Variants in KDM6B observed in about 807,000 individuals in gnomAD.
KDM6B encodes the protein lysine-specific demethylase 6B.
A neutral mutation model predicts 150.4 loss-of-function variants in KDM6B; 22 were observed. That is an observed-to-expected ratio of 0.15 (90% CI 0.10 to 0.21). The LOEUF is 0.21. KDM6B is among the 10% of genes least tolerant of loss of function. The pLI is 1.00. For synonymous variants in KDM6B, 1,148 were observed against 921.1 expected, an observed-to-expected ratio of 1.25 and a Z score of -4.46; for missense variants, 1,984 against 2,234.3, an observed-to-expected ratio of 0.89 and a Z score of 2.26.
At position 7,847,220 on chromosome 17, in the gene KDM6B, C is replaced by T. The variant is rs1567792223; in HGVS notation, c.1025C>T (p.Pro342Leu). 6.2e-7 allele frequency: 1 copy of T among 1,600,136 alleles called. No individual in the cohort carries two copies. Among genetic ancestry groups the T allele is most frequent in the Admixed American group, 1.7e-5 (1 of 59,990 alleles). ...AAPPGPGPRP[P>L]GAESHGCLPA... Reference sequence around the variant, plus strand: ...CCCCCAGGCCCAGGCCCCCGCCCCCCAGGAGCAGAGAGCCATGGCTGCCTG... The same window carrying T: ...CCCCCAGGCCCAGGCCCCCGCCCCCTAGGAGCAGAGAGCCATGGCTGCCTG... Residue 342 changes from proline (P) to leucine (L), a missense_variant, in exon 11 of 24, where the codon CCA becomes CTA. Physicochemically the swap from Pro to Leu is moderately conservative, Grantham distance 98 (BLOSUM62 -3). Around this residue, in one of 13 missense-constraint regions of KDM6B, gnomAD observed 1,379 missense variants for 1,275.6 expected, o/e 1.08. Transcript: ENST00000448097.
rs772125486 is a variant in KDM6B at position 7,846,205 on chromosome 17, G to C, written c.364G>C (p.Asp122His). The change falls in exon 7 of 24, where the codon GAT becomes CAT. Residue 122 changes from aspartate (D) to histidine (H), a missense_variant. Coordinates refer to ENST00000448097, the MANE Select transcript of KDM6B (RefSeq NM_001348716.2). Reference sequence around the variant, plus strand: ...TGGGCAACTGTACGAGTCAGAGCACGATAGTGAGGAGGCCACACGCTGCTA... The same window carrying C: ...TGGGCAACTGTACGAGTCAGAGCACCATAGTGAGGAGGCCACACGCTGCTA... ...QLGQLYESEH[D>H]SEEATRCYHS... 3 of 1,614,142 alleles carry C rather than the reference G, an allele frequency of 1.9e-6. No homozygotes were observed. The highest frequency in any genetic ancestry group is 1.7e-5 in the Admixed American group (1 of 60,030).
chr17:7,851,937 G>C lies in KDM6B; in HGVS notation c.4166-14G>C. The C allele has an allele frequency of 6.2e-7, 1 of 1,612,828 alleles. No homozygotes were observed. ...GACCTGGCCAGCCATGCCGTTCTCT[G>C]TCGACCCCTGCAGGCCACCAGGAGA... On this transcript the variant is annotated splice_polypyrimidine_tract_variant and intron_variant, in intron 18 of 23. Coordinates refer to ENST00000448097, the MANE Select transcript of KDM6B (RefSeq NM_001348716.2).
rs1348397553 is a variant in KDM6B, at chr17:7,848,984, C to T, written c.2696C>T (p.Pro899Leu). ...VPGPMTPTQP[P>L]PPLSLPPARS... is the part of the protein sequence containing the mutation. The stretch of plus-strand genomic sequence containing the variant: ...GGCCCCATGACCCCCACCCAACCGC[C>T]CCCACCCCTATCTCTGCCCCCTGCT... The change falls in exon 12 of 24, where the codon CCC becomes CTC. Residue 899 changes from proline (P) to leucine (L), a missense_variant. Coordinates refer to ENST00000448097, the MANE Select transcript of KDM6B (RefSeq NM_001348716.2). 2.5e-6 allele frequency: 4 copies of T among 1,579,008 alleles called. No individual in the cohort carries two copies. The highest frequency in any genetic ancestry group is 3.4e-6 in the Non-Finnish European group (4 of 1,161,218).
At chr17:7,842,463 T>C (rs2078437190) in intron 2 of KDM6B, among the ~76,000 whole-genome samples, 1 of 152,216 alleles carries the variant, frequency 6.6e-6, no homozygotes, top group African/African-American at 2.4e-5. Context: ...CTCTCGCCTG[T>C]CTTCGAGGAG....
intron 21 of KDM6B, 40 bp from the exon 22 acceptor site, chr17:7,852,960 T>A (rs1359999023): frequency 4.3e-6 from 7 of 1,612,956 alleles, no homozygotes; most frequent in Non-Finnish European, 5.9e-6. Context: ...TCAGGCCTCC[T>A]CCTTGCCGGT....
chr17:7,837,486 TTC>T (rs1256596779), intron 1 of KDM6B, among the ~76,000 whole-genome samples: 1 of 152,230 alleles, frequency 6.6e-6, no homozygotes, highest in Non-Finnish European at 1.5e-5. Flanking sequence ...ATGGTTGTTC[TTC>T]TCTATTAAGT....
rs2078576260 is a variant in KDM6B, at chr17:7,847,421, G to C, written c.1226G>C (p.Gly409Ala). The C allele has an allele frequency of 6.2e-7, 1 of 1,613,694 alleles. No individual in the cohort carries two copies. The change falls in exon 11 of 24, where the codon GGT becomes GCT. Residue 409 changes from glycine (G) to alanine (A), a missense_variant. By Grantham distance (60) the Gly-to-Ala change is moderately conservative. Around this residue, in one of 13 missense-constraint regions of KDM6B, gnomAD observed 1,379 missense variants for 1,275.6 expected, o/e 1.08. Coordinates refer to ENST00000448097, the MANE Select transcript of KDM6B (RefSeq NM_001348716.2). ...SSSSSSSSNT[G>A]LRGVEPNPGI... ...AGCAGTAGCAGCAGCAGCAACACTG[G>C]TCTCCGGGGCGTGGAGCCGAACCCA...
rs1597832401 is a variant in KDM6B at position 7,845,409 on chromosome 17, A to C, written c.-53A>C. ...GACCATCGTCCCAGAGAGCTGGGGCAGGGGGCCGTGCCCAATCTCCAGGGC... is the reference window on the plus strand; with the variant it reads ...GACCATCGTCCCAGAGAGCTGGGGCCGGGGGCCGTGCCCAATCTCCAGGGC... On this transcript the variant is annotated 5_prime_UTR_variant, in exon 4 of 24. Transcript: ENST00000448097. The C allele has an allele frequency of 1.0e-6, 1 of 982,960 alleles. No homozygotes were observed. Among genetic ancestry groups the C allele is most frequent in the East Asian group, 2.4e-5 (1 of 41,278 alleles). The allele number at this position is 982,960 out of a possible 1,614,324, so 60.9% of individuals were successfully genotyped here.
chr17:7,851,313 A>AC lies in KDM6B; in HGVS notation c.3880-14dup, dbSNP rs2078688798. ...AAAGGTCTCTGACCCAGGCCTGCCT[A>AC]CCCTCTGGCTGAACAGGAGGAGAAG... is the stretch of plus-strand genomic sequence containing the variant. On this transcript the variant is annotated splice_polypyrimidine_tract_variant and intron_variant, in intron 15 of 23. Transcript: ENST00000448097. 6.2e-7 allele frequency: 1 copy of AC among 1,613,948 alleles called. No homozygotes were observed. Among genetic ancestry groups the AC allele is most frequent in the Admixed American group, 1.7e-5 (1 of 60,026 alleles).
chr17:7,848,961 C>T lies in KDM6B; in HGVS notation c.2673C>T (p.Gly891=). 6.4e-7 allele frequency: 1 copy of T among 1,574,562 alleles called. No individual in the cohort carries two copies. The highest frequency in any genetic ancestry group is 8.6e-7 in the Non-Finnish European group (1 of 1,159,902). Residue 891 remains glycine, a synonymous_variant, in exon 12 of 24, where the codon GGC becomes GGT. Coordinates refer to ENST00000448097, the MANE Select transcript of KDM6B (RefSeq NM_001348716.2). ...ERRAGEEPVP[G]PMTPTQPPPP... Reference sequence around the variant, plus strand: ...GGGCGGGCGAAGAGCCAGTCCCGGGCCCCATGACCCCCACCCAACCGCCCC... The same window carrying T: ...GGGCGGGCGAAGAGCCAGTCCCGGGTCCCATGACCCCCACCCAACCGCCCC...
At position 7,847,857 on chromosome 17, in the gene KDM6B, G is replaced by T. The variant is rs1340178963; in HGVS notation, c.1569G>T (p.Glu523Asp). The T allele has an allele frequency of 2.1e-6, 3 of 1,453,276 alleles. No individual in the cohort carries two copies. The South Asian group carries it at 3.4e-5, about 17-fold the overall frequency. 90.0% of individuals were successfully genotyped at this position (1,453,276 alleles called of 1,614,324 possible). ...CCCCACCACCCCTCCCCCATCGCGAGGGCTTCTTGGGGCCTCCGGCCTCCC... is the reference window on the plus strand; with the variant it reads ...CCCCACCACCCCTCCCCCATCGCGATGGCTTCTTGGGGCCTCCGGCCTCCC... ...RPAPPPLPHREGFLGPPASRF... is the reference protein window; with the variant it reads ...RPAPPPLPHRDGFLGPPASRF... The change falls in exon 12 of 24, where the codon GAG (glutamate) becomes GAT (aspartate). Residue 523 changes from glutamate (E) to aspartate (D), a missense_variant. By Grantham distance (45) the Glu-to-Asp change is conservative. Coordinates refer to ENST00000448097, the MANE Select transcript of KDM6B (RefSeq NM_001348716.2).
At position 7,847,867 on chromosome 17, in the gene KDM6B, G is replaced by A. The variant is rs1297897181; in HGVS notation, c.1579G>A (p.Gly527Arg). Residue 527 changes from glycine to arginine, a missense_variant, in exon 12 of 24, where the codon GGG becomes AGG. By Grantham distance (125) the Gly-to-Arg change is moderately radical. This residue lies in a region of KDM6B where 1,379 missense variants were observed against 1,275.6 expected (regional missense o/e 1.08). Coordinates refer to ENST00000448097, the MANE Select transcript of KDM6B (RefSeq NM_001348716.2). ...PPLPHREGFL[G>R]PPASRFSVGT... ...CCTCCCCCATCGCGAGGGCTTCTTG[G>A]GGCCTCCGGCCTCCCGCTTTTCTGT... 6.3e-7 allele frequency: 1 copy of A among 1,581,176 alleles called. No homozygotes were observed. The highest frequency in any genetic ancestry group is 1.1e-5 in the South Asian group (1 of 89,586).
At chr17:7,842,033 C>G (rs2078426213) in intron 2 of KDM6B, among the ~76,000 whole-genome samples, 1 of 152,244 alleles carries the variant, frequency 6.6e-6, no homozygotes, top group African/African-American at 2.4e-5. Flanking sequence ...CCGCTGATTG[C>G]CGGCTAGGTA....
chr17:7,838,067 T>C (rs1021921768), intron 1 of KDM6B, among the ~76,000 whole-genome samples: 25 of 151,742 alleles, frequency 1.6e-4, no homozygotes, highest in African/African-American at 5.3e-4. Flanking sequence ...ATAAAATAAT[T>C]GTATTATGGT....
rs892197667 is a variant in KDM6B, at chr17:7,853,930, T to A, written c.*409T>A. On this transcript the variant is annotated 3_prime_UTR_variant, in exon 24 of 24. Transcript: ENST00000448097. ...TACATAGACGTTACGGCAGCCGAGGTTTTTAATGAGATTCTTTCTATGGGC... is the reference window on the plus strand; with the variant it reads ...TACATAGACGTTACGGCAGCCGAGGATTTTAATGAGATTCTTTCTATGGGC... 6.2e-6 allele frequency: 1 copy of A among 160,836 alleles called. No homozygotes were observed. Among genetic ancestry groups the A allele is most frequent in the African/African-American group, 2.4e-5 (1 of 41,540 alleles). The allele number at this position is 160,836 out of a possible 1,614,324, so 10.0% of individuals were successfully genotyped here.
At position 7,849,197 on chromosome 17, in the gene KDM6B, G is replaced by A. The variant is rs746868777; in HGVS notation, c.2909G>A (p.Gly970Asp). The A allele has an allele frequency of 1.2e-5, 19 of 1,602,770 alleles. No individual in the cohort carries two copies. Among genetic ancestry groups the A allele is most frequent in the East Asian group, 6.8e-5 (3 of 44,380 alleles). The change falls in exon 12 of 24, where the codon GGC becomes GAC. Residue 970 changes from glycine (G) to aspartate (D), a missense_variant. Transcript: ENST00000448097. ...GCTGGCGGGGTGGCGGCAGTGTCAG[G>A]CAGCTGTAAGCGGCGACAGAAGGAG... ...EEAGGVAAVS[G>D]SCKRRQKEHQ...
At position 7,849,579 on chromosome 17, in the gene KDM6B, G is replaced by A; in HGVS notation, c.3291G>A (p.Glu1097=). 6.2e-7 allele frequency: 1 copy of A among 1,612,642 alleles called. No individual in the cohort carries two copies. Among genetic ancestry groups the A allele is most frequent in the Non-Finnish European group, 8.5e-7 (1 of 1,179,972 alleles). Reference sequence around the variant, plus strand: ...TGCTGAAGCTGCGCTCACTTAGTGAGGGGCCCCCCAAGGAGCTGAAGATCC... The same window carrying A: ...TGCTGAAGCTGCGCTCACTTAGTGAAGGGCCCCCCAAGGAGCTGAAGATCC... ...ADMLKLRSLS[E]GPPKELKIRL... Residue 1097 remains glutamate, a synonymous_variant, in exon 12 of 24, where the codon GAG becomes GAA. Transcript: ENST00000448097.
chr17:7,836,201 G>A (rs1224120469), intron 1 of KDM6B, among the ~76,000 whole-genome samples: 2 of 152,234 alleles, frequency 1.3e-5, no homozygotes, highest in Non-Finnish European at 2.9e-5. Flanking sequence ...GGGCCATCAC[G>A]CCCCTTCTTC....
rs974110568 is a variant in KDM6B at position 7,834,257 on chromosome 17, G to GC, written c.-474dup. Among the ~76,000 whole-genome samples the GC allele has an allele frequency of 1.2e-4, 18 of 151,132 alleles. No homozygotes were observed. Among genetic ancestry groups the GC allele is most frequent in the Non-Finnish European group, 2.2e-4 (15 of 67,614 alleles). Reference sequence around the variant, plus strand: ...TCCAACTGCGCCACTGGGCGGAGCGGCCCCCCCAGCCCCGGCCTGGGAGAA... The same window carrying GC: ...TCCAACTGCGCCACTGGGCGGAGCGGCCCCCCCCAGCCCCGGCCTGGGAGAA... On this transcript the variant is annotated 5_prime_UTR_variant, in exon 1 of 24. Transcript: ENST00000448097.
Sources: gnomAD v4.1 joint callset for allele counts (sites outside exome capture counted in the v4.1 genomes callset) on GRCh38, gnomAD v4.1.1 for gene constraint, gnomAD v4.1.1 regional missense constraint, MANE v1.5 for transcripts, NCBI Gene and HGNC (gene_info 2026-07-23, HGNC 2026-07-21) for gene names.